SDK2: variants seen among roughly 807,000 people sequenced by gnomAD.
SDK2 encodes protein sidekick-2.
SDK2 carries 105 observed loss-of-function variants against 253.9 expected under a neutral mutation model. The ratio of observed to expected loss-of-function variants is 0.41; its 90% confidence interval spans 0.35 to 0.49. The LOEUF is 0.49. SDK2 is among the 20% of genes least tolerant of loss of function. The pLI is 0.06. For missense variants in SDK2, 2,608 were observed against 3,003.0 expected (o/e 0.87, Z 3.07); for synonymous variants, 1,249 against 1,234.9 (o/e 1.01, Z -0.24).
intron 2 of SDK2, among the ~76,000 whole-genome samples, chr17:73,483,701 A>ATTTTTTTTTTT (rs2063752220): frequency 1.6e-5 from 1 of 63,118 alleles, no homozygotes; most frequent in African/African-American, 7.9e-5. Context: ...ATATATATAT[A>ATTTTTTTTTTT]TATATATTTT....
intron 1 of SDK2, among the ~76,000 whole-genome samples, chr17:73,595,547 T>C (rs1349263027): frequency 6.6e-6 from 1 of 152,126 alleles, no homozygotes; most frequent in Non-Finnish European, 1.5e-5. Flanking sequence ...TCCTCCTCGC[T>C]TGGACTGGCC....
intron 1 of SDK2, among the ~76,000 whole-genome samples, chr17:73,602,175 G>A (rs67681620): frequency 0.17 from 25,394 of 152,138 alleles, 2,169 homozygotes; most frequent in South Asian, 0.25. Flanking sequence ...TTCACTCCAA[G>A]GTCACAAAAA....
In SDK2 at chr17:73,389,790, C is replaced by T. The variant is rs550495970; in HGVS notation, c.4192+497G>A. 3.3e-5 allele frequency among the ~76,000 whole-genome samples: 5 copies of T among 152,310 alleles called. No homozygotes were observed. In the South Asian group the frequency reaches 1.0e-3, roughly 32 times the overall value. On this transcript the variant is annotated intron_variant, in intron 29 of 44. Coordinates refer to ENST00000392650, the MANE Select transcript of SDK2 (RefSeq NM_001144952.2). ...ATTTAGACAGAGTCTTGTTCTGTCA[C>T]CCAGGCTGGAGTGCAGTGGTGCGAT...
chr17:73,559,540 A>G (rs2045196477), intron 1 of SDK2, among the ~76,000 whole-genome samples: 1 of 151,890 alleles, frequency 6.6e-6, no homozygotes, highest in African/African-American at 2.4e-5. Context: ...GTAAGTCTTG[A>G]GCAGGATGGT....
At chr17:73,595,592 T>G in intron 1 of SDK2, among the ~76,000 whole-genome samples, 1 of 151,824 alleles carries the variant, frequency 6.6e-6, no homozygotes, top group Non-Finnish European at 1.5e-5. Context: ...AGGTATGGAG[T>G]CACCAGAAAG....
At chr17:73,571,535 G>A (rs2145868078) in intron 1 of SDK2, among the ~76,000 whole-genome samples, 1 of 152,272 alleles carries the variant, frequency 6.6e-6, no homozygotes, top group South Asian at 2.1e-4. Context: ...CAGCCCGGTG[G>A]CCCCCCGGGC....
chr17:73,602,788 G>A (rs569514121), intron 1 of SDK2, among the ~76,000 whole-genome samples: 9 of 152,144 alleles, frequency 5.9e-5, no homozygotes, highest in Admixed American at 2.6e-4. Context: ...GTGCAGTGGC[G>A]TGATCTCGGC....
intron 1 of SDK2, among the ~76,000 whole-genome samples, chr17:73,546,108 CG>C (rs1479622436): frequency 8.0e-6 from 1 of 125,662 alleles, no homozygotes; most frequent in African/African-American, 3.0e-5. Context: ...CTGTCGGGGG[CG>C]GGGGGTGAGG....
chr17:73,559,665 C>T (rs1398728119), intron 1 of SDK2, among the ~76,000 whole-genome samples: 1 of 144,046 alleles, frequency 6.9e-6, no homozygotes, highest in Non-Finnish European at 1.5e-5. Context: ...CTCCGAAGGG[C>T]CACCCCACAG....
chr17:73,530,197 A>G (rs1253753931), intron 1 of SDK2, among the ~76,000 whole-genome samples: 1 of 152,204 alleles, frequency 6.6e-6, no homozygotes. Context: ...CTATAAAGAT[A>G]CTGCCTGAGA....
intron 4 of SDK2, among the ~76,000 whole-genome samples, chr17:73,454,120 G>A (rs1234216249): frequency 6.6e-6 from 1 of 152,188 alleles, no homozygotes; most frequent in East Asian, 1.9e-4. Flanking sequence ...TACATCCTGG[G>A]TGTGTAGTAG....
intron 21 of SDK2, 119 bp downstream of exon 21, chr17:73,400,901 G>T: frequency 1.0e-6 from 1 of 967,016 alleles, no homozygotes; most frequent in Non-Finnish European, 1.5e-6. Flanking sequence ...GCCTGCCTCA[G>T]CCTCCCAAGG....
chr17:73,414,572 C>A, intron 18 of SDK2, 72 bp downstream of exon 18: 1 of 1,197,648 alleles, frequency 8.3e-7, no homozygotes, highest in Non-Finnish European at 1.2e-6. Context: ...CTCCTGCCCA[C>A]TCTGTCCCCT....
At position 73,481,654 on chromosome 17, in the gene SDK2, G is replaced by A. The variant is rs148658905; in HGVS notation, c.225-9436C>T. On this transcript the variant is annotated intron_variant, in intron 2 of 44. Coordinates refer to ENST00000392650, the MANE Select transcript of SDK2 (RefSeq NM_001144952.2). This position sits in a 1 kb window ranked among gnomAD's most constrained non-coding sequence, Gnocchi z 4.5. The stretch of plus-strand genomic sequence containing the variant: ...GAACCATCCAATCCACTGAGGGCTC[G>A]GATGGCACAAAAAGGCGGAGGGAGG... Among the ~76,000 whole-genome samples the A allele has an allele frequency of 6.6e-6, 1 of 152,256 alleles. No individual in the cohort carries two copies. Among genetic ancestry groups the A allele is most frequent in the Non-Finnish European group, 1.5e-5 (1 of 68,014 alleles).
intron 33 of SDK2, among the ~76,000 whole-genome samples, chr17:73,381,170 C>T (rs2062827893): frequency 6.6e-6 from 1 of 152,138 alleles, no homozygotes; most frequent in African/African-American, 2.4e-5. Flanking sequence ...ACAGTCTGCC[C>T]CACCCTGGTG....
chr17:73,551,210 G>A (rs773649198), intron 1 of SDK2, among the ~76,000 whole-genome samples: 3 of 152,158 alleles, frequency 2.0e-5, no homozygotes, highest in Non-Finnish European at 4.4e-5. Flanking sequence ...CACACTGTTG[G>A]GTGATGGCGG....
chr17:73,475,470 A>G (rs1316033324), intron 2 of SDK2, among the ~76,000 whole-genome samples: 1 of 152,256 alleles, frequency 6.6e-6, no homozygotes, highest in Non-Finnish European at 1.5e-5. Flanking sequence ...TTTTAGATAC[A>G]CTAGCAACTA....
chr17:73,507,314 G>A, intron 2 of SDK2, 124 bp downstream of exon 2: 1 of 1,059,720 alleles, frequency 9.4e-7, no homozygotes, highest in Non-Finnish European at 1.3e-6. Context: ...CTCACTTCCA[G>A]AACTCCAGGC....
Position 73,383,887 on chromosome 17 carries a change from G to A in SDK2, c.4694C>T (p.Ala1565Val), listed in dbSNP as rs35171980. 1.9e-6 allele frequency: 3 copies of A among 1,613,980 alleles called. No homozygotes were observed. In the East Asian group the frequency reaches 6.7e-5, roughly 36 times the overall value. The change falls in exon 33 of 45, where the codon GCT (alanine) becomes GTT (valine). Residue 1565 changes from alanine (A) to valine (V), a missense_variant. Physicochemically the swap from Ala to Val is moderately conservative, Grantham distance 64. Coordinates refer to ENST00000392650, the MANE Select transcript of SDK2 (RefSeq NM_001144952.2). The surrounding 1 kb of genome is among the most constrained non-coding windows in gnomAD (Gnocchi z 4.3). ...CAAGTGTCACTCACAGGTAAGCTCA[G>A]CCCATGTGGCCCCTGGGTTGTTGAT... is the stretch of plus-strand genomic sequence containing the variant. Reference protein sequence around the residue: ...RGINNPGATWAELTSMYSMRN... With the variant: ...RGINNPGATWVELTSMYSMRN...
Sources: gnomAD v4.1 joint callset for allele counts (sites outside exome capture counted in the v4.1 genomes callset) on GRCh38, gnomAD v4.1.1 for gene constraint, Gnocchi (gnomAD v3.1) non-coding constraint, MANE v1.5 for transcripts, NCBI Gene and HGNC (gene_info 2026-07-23, HGNC 2026-07-21) for gene names.